PPP1R12A: variants seen among roughly 807,000 people sequenced by gnomAD.
The protein encoded by PPP1R12A is protein phosphatase 1 regulatory subunit 12A.
Under a neutral mutation model 139.6 loss-of-function variants are expected in PPP1R12A, and 19 were observed. The observed-to-expected ratio is 0.14, with a 90% CI of 0.09 to 0.20. The LOEUF is 0.20. Ranked by LOEUF, PPP1R12A falls within the 10% of genes least tolerant of loss-of-function variation. The pLI is 1.00. For missense variants in PPP1R12A, 925 were observed against 1,211.5 expected (o/e 0.76, Z 3.51); for synonymous variants, 427 against 420.6 (o/e 1.02, Z -0.19).
At chr12:79,914,332 T>C (rs908706337) in intron 1 of PPP1R12A, among the ~76,000 whole-genome samples, 11 of 152,072 alleles carry the variant, frequency 7.2e-5, no homozygotes, top group African/African-American at 2.2e-4. Context: ...TGGTAAAACT[T>C]TGCAAAACTA....
At chr12:79,824,131 G>C (rs1282396279) in intron 5 of PPP1R12A, among the ~76,000 whole-genome samples, 1 of 152,272 alleles carries the variant, frequency 6.6e-6, no homozygotes, top group East Asian at 1.9e-4. Context: ...TTAAATTCCT[G>C]AAGAATAAAT....
intron 1 of PPP1R12A, among the ~76,000 whole-genome samples, chr12:79,916,332 G>A (rs1300489135): frequency 6.6e-6 from 1 of 151,710 alleles, no homozygotes; most frequent in Non-Finnish European, 1.5e-5. Flanking sequence ...GTAACTATGG[G>A]CTTCAACATT....
At chr12:79,926,208 C>A (rs1216567041) in intron 1 of PPP1R12A, among the ~76,000 whole-genome samples, 1 of 152,166 alleles carries the variant, frequency 6.6e-6, no homozygotes, top group Non-Finnish European at 1.5e-5. Flanking sequence ...TTCTTTAAGA[C>A]AGAATCTCGC....
At chr12:79,779,416 C>T in intron 23 of PPP1R12A, 1 of 1,123,306 alleles carries the variant, frequency 8.9e-7, no homozygotes. Flanking sequence ...GACACTCTTT[C>T]CCAGATTAAT....
chr12:79,876,551 T>G (rs532267297), intron 1 of PPP1R12A, among the ~76,000 whole-genome samples: 61 of 152,322 alleles, frequency 4.0e-4, no homozygotes, highest in African/African-American at 1.2e-3. Context: ...CTTAACACAC[T>G]GCTTTCCACA....
chr12:79,785,318 T>C (rs1870973650), intron 22 of PPP1R12A, among the ~76,000 whole-genome samples: 1 of 152,190 alleles, frequency 6.6e-6, no homozygotes, highest in African/African-American at 2.4e-5. Context: ...CCCTAGAAGT[T>C]TGGCATAGTA....
At chr12:79,870,407 TA>T in intron 2 of PPP1R12A, among the ~76,000 whole-genome samples, 1 of 152,270 alleles carries the variant, frequency 6.6e-6, no homozygotes, top group Admixed American at 6.5e-5. Flanking sequence ...CCCAACCTGC[TA>T]AAAGAGATTA....
chr12:79,919,951 G>T (rs1402346928), intron 1 of PPP1R12A, among the ~76,000 whole-genome samples: 1 of 152,184 alleles, frequency 6.6e-6, no homozygotes, highest in Admixed American at 6.5e-5. Context: ...GATTCACAGA[G>T]TTGTGCAACT....
intron 7 of PPP1R12A, 44 bp from the exon 8 acceptor site, chr12:79,820,975 G>T: frequency 6.2e-7 from 1 of 1,606,090 alleles, no homozygotes; most frequent in Non-Finnish European, 8.5e-7. Context: ...AATACAAAAG[G>T]TTAAAATATA....
chr12:79,783,184 G>A (rs1870675719), intron 22 of PPP1R12A, among the ~76,000 whole-genome samples: 1 of 151,286 alleles, frequency 6.6e-6, no homozygotes, highest in Admixed American at 6.6e-5. Context: ...GAGGCTGGGT[G>A]TAGTGGCTTA....
intron 5 of PPP1R12A, chr12:79,823,938 G>T (rs1876454017): frequency 6.6e-6 from 1 of 152,108 alleles, no homozygotes; most frequent in African/African-American, 2.4e-5. Context: ...TTCAAAATAG[G>T]TGAGTATGTA....
At chr12:79,930,281 CTA>C (rs1888152676) in intron 1 of PPP1R12A, among the ~76,000 whole-genome samples, 1 of 151,984 alleles carries the variant, frequency 6.6e-6, no homozygotes, top group African/African-American at 2.4e-5. Flanking sequence ...TAACCAATTT[CTA>C]TAAAGGATAC....
chr12:79,779,249 T>C, intron 23 of PPP1R12A: 2 of 1,136,616 alleles, frequency 1.8e-6, no homozygotes, highest in Non-Finnish European at 2.4e-6. Context: ...CCTTAAATGA[T>C]AAGCATTCTG....
At chr12:79,822,280 C>A (rs3849223) in intron 5 of PPP1R12A, 90 bp from the exon 6 acceptor site, 832,087 of 908,738 alleles carry the variant, frequency 0.92, 383,047 homozygotes, top group Middle Eastern at 0.95. Context: ...TATATAAAGA[C>A]GTTGGATAAC....
intron 1 of PPP1R12A, among the ~76,000 whole-genome samples, chr12:79,881,300 T>C (rs1592762605): frequency 6.6e-6 from 1 of 152,142 alleles, no homozygotes. Context: ...AGCCAAGTTG[T>C]TAATGCAAAG....
intron 2 of PPP1R12A, 33 bp downstream of exon 2, chr12:79,872,775 T>C (rs1198629607): frequency 1.2e-6 from 2 of 1,607,016 alleles, no homozygotes; most frequent in East Asian, 4.5e-5. Flanking sequence ...TCAAACAGTA[T>C]TAGAATAAAA....
At chr12:79,837,231 A>T (rs1878190634) in intron 3 of PPP1R12A, among the ~76,000 whole-genome samples, 1 of 152,164 alleles carries the variant, frequency 6.6e-6, no homozygotes, top group Admixed American at 6.5e-5. Flanking sequence ...TTAGACTAAC[A>T]TCTGTCACTA....
intron 22 of PPP1R12A, among the ~76,000 whole-genome samples, chr12:79,784,336 GAT>G (rs1395655706): frequency 6.6e-6 from 1 of 152,164 alleles, no homozygotes; most frequent in African/African-American, 2.4e-5. Context: ...CAGAAGCTGG[GAT>G]ATTTTTTAAT....
chr12:79,917,876 A>G (rs1887126617), intron 1 of PPP1R12A, among the ~76,000 whole-genome samples: 1 of 152,142 alleles, frequency 6.6e-6, no homozygotes, highest in African/African-American at 2.4e-5. Context: ...GAAAAATCCA[A>G]CATGCTCTGA....
Sources: gnomAD v4.1 joint callset for allele counts (sites outside exome capture counted in the v4.1 genomes callset) on GRCh38, gnomAD v4.1.1 for gene constraint, MANE v1.5 for transcripts, NCBI Gene and HGNC (gene_info 2026-07-23, HGNC 2026-07-21) for gene names.